Variants in GULP1 observed in about 807,000 individuals in gnomAD.
GULP1 encodes the protein GULP PTB domain containing engulfment adaptor 1, also known as PTB domain-containing engulfment adapter protein 1.
GULP1 carries 19 observed loss-of-function variants against 40.9 expected under a neutral mutation model. That is an observed-to-expected ratio of 0.46 (90% CI 0.32 to 0.68). The LOEUF (loss-of-function observed/expected upper bound fraction) is 0.68, where lower values mean the gene tolerates loss of function less well. Ranked by LOEUF, GULP1 falls within the 30% of genes least tolerant of loss-of-function variation. GULP1 has a pLI of 0.03. For missense variants in GULP1, 312 were observed against 362.2 expected, an observed-to-expected ratio of 0.86 and a Z score of 1.12; for synonymous variants, 119 against 117.6, an observed-to-expected ratio of 1.01 and a Z score of -0.08.
At chr2:188,351,343 G>A (rs1027957463) in intron 1 of GULP1, among the ~76,000 whole-genome samples, 9 of 151,968 alleles carry the variant, frequency 5.9e-5, no homozygotes, top group Non-Finnish European at 1.0e-4. Context: ...CTTGTTCAAT[G>A]TCCCAAAGCT....
chr2:188,387,880 T>A (rs1271455424), intron 2 of GULP1, among the ~76,000 whole-genome samples: 4 of 152,026 alleles, frequency 2.6e-5, no homozygotes, highest in African/African-American at 9.7e-5. Flanking sequence ...TTTTTTTAAA[T>A]TTTTTTGTTA....
intron 1 of GULP1, among the ~76,000 whole-genome samples, chr2:188,307,549 T>A (rs1199519144): frequency 1.3e-5 from 2 of 151,228 alleles, no homozygotes; most frequent in Non-Finnish European, 1.5e-5. Context: ...AGAAAGCTAC[T>A]AAGTTTTTTA....
intron 1 of GULP1, among the ~76,000 whole-genome samples, chr2:188,374,442 T>C (rs1448868919): frequency 1.3e-5 from 2 of 152,164 alleles, no homozygotes; most frequent in African/African-American, 4.8e-5. Flanking sequence ...CCTTCAGGCC[T>C]GACTGAATCC....
At chr2:188,487,505 T>C (rs1031210842) in intron 4 of GULP1, among the ~76,000 whole-genome samples, 3 of 151,996 alleles carry the variant, frequency 2.0e-5, no homozygotes, top group African/African-American at 7.2e-5. Flanking sequence ...TAAAAACTTA[T>C]GACGTCCCTG....
intron 2 of GULP1, among the ~76,000 whole-genome samples, chr2:188,423,961 A>G (rs1028313606): frequency 6.6e-6 from 1 of 151,850 alleles, no homozygotes; most frequent in African/African-American, 2.4e-5. Context: ...TACCTTCAAA[A>G]TCAAATGTAG....
chr2:188,331,695 TAA>T (rs1315431560), intron 1 of GULP1, among the ~76,000 whole-genome samples: 1 of 152,182 alleles, frequency 6.6e-6, no homozygotes, highest in African/African-American at 2.4e-5. Flanking sequence ...TTTATGTATT[TAA>T]AAAATCCATT....
At chr2:188,337,780 A>G (rs998244464) in intron 1 of GULP1, among the ~76,000 whole-genome samples, 1 of 152,018 alleles carries the variant, frequency 6.6e-6, no homozygotes, top group Non-Finnish European at 1.5e-5. Flanking sequence ...TGGAATTTCT[A>G]TAAGTCTGTA....
At chr2:188,411,923 G>T (rs563533662) in intron 2 of GULP1, among the ~76,000 whole-genome samples, 1 of 152,282 alleles carries the variant, frequency 6.6e-6, no homozygotes, top group Admixed American at 6.5e-5. Flanking sequence ...TCTGTGTATT[G>T]TGCAGAACCA....
intron 1 of GULP1, among the ~76,000 whole-genome samples, chr2:188,379,444 A>C (rs1011606739): frequency 1.3e-5 from 2 of 152,206 alleles, no homozygotes; most frequent in African/African-American, 4.8e-5. Flanking sequence ...TAAATTATAA[A>C]GATCTTTTCA....
At chr2:188,305,248 A>G (rs1281638741) in intron 1 of GULP1, among the ~76,000 whole-genome samples, 1 of 152,198 alleles carries the variant, frequency 6.6e-6, no homozygotes, top group East Asian at 1.9e-4. Context: ...AGGGACTTAC[A>G]TGCCTTCCCT....
At chr2:188,367,845 G>C (rs2047006539) in intron 1 of GULP1, among the ~76,000 whole-genome samples, 1 of 152,162 alleles carries the variant, frequency 6.6e-6, no homozygotes, top group African/African-American at 2.4e-5. Flanking sequence ...AAAAAGCCCA[G>C]TTGATCTCTT....
chr2:188,416,729 G>C (rs751763517), intron 2 of GULP1, among the ~76,000 whole-genome samples: 2 of 152,142 alleles, frequency 1.3e-5, no homozygotes, highest in Non-Finnish European at 2.9e-5. Flanking sequence ...AGACAGATTT[G>C]ATCTTTATGA....
intron 7 of GULP1, among the ~76,000 whole-genome samples, chr2:188,556,074 A>T (rs1319985815): frequency 3.4e-5 from 5 of 147,496 alleles, no homozygotes; most frequent in African/African-American, 1.3e-4. Flanking sequence ...AAAAAAGAAA[A>T]AGAAAAAGAA....
chr2:188,469,618 G>A (rs2060421925), intron 2 of GULP1, among the ~76,000 whole-genome samples: 1 of 152,032 alleles, frequency 6.6e-6, no homozygotes, highest in Admixed American at 6.6e-5. Context: ...GTGAAAGTGT[G>A]CATCCTTGTG....
At chr2:188,363,240 A>G (rs2046326768) in intron 1 of GULP1, among the ~76,000 whole-genome samples, 1 of 152,090 alleles carries the variant, frequency 6.6e-6, no homozygotes, top group African/African-American at 2.4e-5. Flanking sequence ...ACCTTTGAAT[A>G]ATTACAGTAT....
chr2:188,557,791 G>C (rs1483295999), intron 7 of GULP1, among the ~76,000 whole-genome samples: 3 of 152,186 alleles, frequency 2.0e-5, no homozygotes, highest in African/African-American at 4.8e-5. Context: ...CTTACATTCT[G>C]TGTATCTGCA....
At position 188,300,414 on chromosome 2, in the gene GULP1, A is replaced by G. The variant is rs1431320021; in HGVS notation, c.-172+8248A>G. 2.0e-5 allele frequency among the ~76,000 whole-genome samples: 3 copies of G among 152,276 alleles called. No individual in the cohort carries two copies. The East Asian group carries it at 5.8e-4, about 29-fold the overall frequency. ...TGGAAACTTGATAATTTTTCTATGCATCATTGACTTATTTAAGATTATATA... is the reference window on the plus strand; with the variant it reads ...TGGAAACTTGATAATTTTTCTATGCGTCATTGACTTATTTAAGATTATATA... On this transcript the variant is annotated intron_variant, in intron 1 of 11. Transcript: ENST00000409830.
At chr2:188,353,156 T>C (rs1451702290) in intron 1 of GULP1, among the ~76,000 whole-genome samples, 1 of 152,162 alleles carries the variant, frequency 6.6e-6, no homozygotes, top group Non-Finnish European at 1.5e-5. Flanking sequence ...TGAGGTTCTT[T>C]ATATGAATTA....
At chr2:188,576,182 T>C (rs145520352) in intron 9 of GULP1, among the ~76,000 whole-genome samples, 1 of 152,216 alleles carries the variant, frequency 6.6e-6, no homozygotes. Context: ...GAGATGCTTA[T>C]TCGATGGCTG....
Sources: allele counts gnomAD v4.1 joint callset (sites outside exome capture counted in the v4.1 genomes callset), GRCh38; gene constraint gnomAD v4.1.1; transcripts MANE v1.5; gene names NCBI Gene and HGNC (gene_info 2026-07-23, HGNC 2026-07-21).